The following CERT1 variants were observed in gnomAD, a reference collection of about 807,000 sequenced individuals.
The protein encoded by CERT1 is ceramide transfer protein.
A neutral mutation model predicts 87.9 loss-of-function variants in CERT1; 31 were observed. The ratio of observed to expected loss-of-function variants is 0.35; its 90% CI spans 0.27 to 0.48. CERT1 has a LOEUF of 0.48. Ranked by LOEUF, CERT1 falls within the 20% of genes least tolerant of loss-of-function variation. The probability of loss-of-function intolerance (pLI) is 0.99; values close to 1 mark genes in which losing one functional copy is unlikely to be tolerated. For synonymous variants in CERT1, 289 were observed against 250.9 expected, an observed-to-expected ratio of 1.15 and a Z score of -1.44; for missense variants, 487 against 758.0, an observed-to-expected ratio of 0.64 and a Z score of 4.20.
At chr5:75,493,675 C>G (rs1386615948) in intron 2 of CERT1, among the ~76,000 whole-genome samples, 1 of 152,102 alleles carries the variant, frequency 6.6e-6, no homozygotes, top group South Asian at 2.1e-4. Context: ...CTGGACCTTG[C>G]TTGATGATTT....
chr5:75,463,539 C>T (rs1352849732), intron 2 of CERT1, among the ~76,000 whole-genome samples: 1 of 152,074 alleles, frequency 6.6e-6, no homozygotes, highest in Non-Finnish European at 1.5e-5. Flanking sequence ...ACCAAAATAA[C>T]CTTATAGGAA....
At position 75,506,127 on chromosome 5, in the gene CERT1, G is replaced by C; in HGVS notation, c.97-11C>G. On this transcript the variant is annotated splice_polypyrimidine_tract_variant and intron_variant, in intron 1 of 16. Transcript: ENST00000643780. ...AATGTAGTTTGTCCACTGGGAGTGG[G>C]AAGGGGAAGGGAAGAGAGAAGAAAA... 2 of 1,611,488 alleles carry C rather than the reference G, an allele frequency of 1.2e-6. No individual in the cohort carries two copies. Among genetic ancestry groups the C allele is most frequent in the Non-Finnish European group, 1.7e-6 (2 of 1,178,440 alleles).
chr5:75,385,333 C>T (rs570235112), intron 13 of CERT1, among the ~76,000 whole-genome samples: 49 of 152,126 alleles, frequency 3.2e-4, no homozygotes, highest in African/African-American at 7.0e-4. Flanking sequence ...ATTAGCTGGG[C>T]GTGATGGTGT....
At chr5:75,379,528 T>A in intron 16 of CERT1, 55 bp from the exon 17 acceptor site, 1 of 1,480,058 alleles carries the variant, frequency 6.8e-7, no homozygotes, top group Non-Finnish European at 9.3e-7. Context: ...CAAACATATG[T>A]GAAGCACTTA....
chr5:75,455,479 G>T (rs186561715), intron 3 of CERT1, among the ~76,000 whole-genome samples: 1 of 152,270 alleles, frequency 6.6e-6, no homozygotes. Flanking sequence ...ATGTGTTTGA[G>T]CCTAGTTAAA....
At chr5:75,508,228 G>A (rs1767746895) in intron 1 of CERT1, among the ~76,000 whole-genome samples, 1 of 152,088 alleles carries the variant, frequency 6.6e-6, no homozygotes, top group African/African-American at 2.4e-5. Context: ...CAGTGGTCAA[G>A]TTACTTATTC....
intron 2 of CERT1, among the ~76,000 whole-genome samples, chr5:75,465,480 A>C (rs1271041217): frequency 1.3e-5 from 2 of 152,256 alleles, no homozygotes; most frequent in Non-Finnish European, 2.9e-5. Flanking sequence ...AACAAGATGA[A>C]TCAATCAGTG....
chr5:75,433,261 G>T (rs1356704634), intron 3 of CERT1, among the ~76,000 whole-genome samples: 2 of 152,190 alleles, frequency 1.3e-5, no homozygotes, highest in Admixed American at 1.3e-4. Flanking sequence ...AAATGGCAAT[G>T]AATCTGTAAA....
At chr5:75,432,345 C>G (rs1046179610) in intron 3 of CERT1, among the ~76,000 whole-genome samples, 1 of 152,176 alleles carries the variant, frequency 6.6e-6, no homozygotes, top group Non-Finnish European at 1.5e-5. Flanking sequence ...TGAGCCACCA[C>G]GCCCGGCCAA....
chr5:75,388,505 A>C, intron 12 of CERT1, among the ~76,000 whole-genome samples: 1 of 150,592 alleles, frequency 6.6e-6, no homozygotes, highest in East Asian at 2.0e-4. Context: ...AATTGTTTCA[A>C]ATCACAGAGA....
chr5:75,508,550 TTTCTC>T (rs938136158), intron 1 of CERT1, among the ~76,000 whole-genome samples: 1 of 152,190 alleles, frequency 6.6e-6, no homozygotes. Context: ...TTTTTTGTCT[TTTCTC>T]TGCTCTCATA....
intron 8 of CERT1, among the ~76,000 whole-genome samples, chr5:75,407,472 TAAAAAA>T: frequency 9.3e-6 from 1 of 107,846 alleles, no homozygotes; most frequent in East Asian, 2.6e-4. Context: ...GGAAAAAAAT[TAAAAAA>T]AAAAAAAGGC....
intron 11 of CERT1, among the ~76,000 whole-genome samples, chr5:75,396,073 C>A (rs1323913971): frequency 2.0e-5 from 3 of 152,118 alleles, no homozygotes; most frequent in Non-Finnish European, 4.4e-5. Context: ...CAATTGTACA[C>A]TTGATTATTT....
chr5:75,508,539 GT>G (rs1254230115), intron 1 of CERT1, among the ~76,000 whole-genome samples: 4 of 152,082 alleles, frequency 2.6e-5, no homozygotes, highest in Non-Finnish European at 5.9e-5. Flanking sequence ...TGGAAGACAA[GT>G]TTTTTGTCTT....
intron 5 of CERT1, among the ~76,000 whole-genome samples, chr5:75,424,515 C>A (rs1381740519): frequency 6.6e-6 from 1 of 150,628 alleles, no homozygotes; most frequent in Admixed American, 6.6e-5. Flanking sequence ...GAGGTTGCAG[C>A]GAGCCGAGAT....
chr5:75,511,572 T>C lies in CERT1; in HGVS notation c.-365A>G. 1 of 1,460,010 alleles carries C rather than the reference T, an allele frequency of 6.8e-7. No individual in the cohort carries two copies. Among genetic ancestry groups the C allele is most frequent in the Non-Finnish European group, 9.0e-7 (1 of 1,107,744 alleles). 90.4% of individuals were successfully genotyped at this position (1,460,010 alleles called of 1,614,324 possible). ...GGGAAGAGAAAATCCGGCCGCTGAG[T>C]CCCGCGTCCACTCACACCTCCGCTA... On this transcript the variant is annotated 5_prime_UTR_variant, in exon 1 of 17. Coordinates refer to ENST00000643780, the MANE Select transcript of CERT1 (RefSeq NM_001379029.1).
At chr5:75,486,630 A>G (rs1766537379) in intron 2 of CERT1, among the ~76,000 whole-genome samples, 1 of 152,126 alleles carries the variant, frequency 6.6e-6, no homozygotes, top group Admixed American at 6.5e-5. Flanking sequence ...GAACTGATAC[A>G]TTCAGTAAAG....
intron 3 of CERT1, among the ~76,000 whole-genome samples, chr5:75,457,860 T>C (rs901922004): frequency 3.3e-5 from 5 of 151,240 alleles, no homozygotes; most frequent in Non-Finnish European, 5.9e-5. Flanking sequence ...TGTTAGCTTT[T>C]CTTTCTCAAG....
At chr5:75,374,489 T>C (rs1398623637), downstream of CERT1, 4 of 721,948 alleles carry the variant, frequency 5.5e-6, no homozygotes, top group Admixed American at 7.0e-5. Context: ...GGAACAATGG[T>C]TGTGCCAAAA....
Sources: gnomAD v4.1 joint callset for allele counts (sites outside exome capture counted in the v4.1 genomes callset) on GRCh38, gnomAD v4.1.1 for gene constraint, MANE v1.5 for transcripts, NCBI Gene and HGNC (gene_info 2026-07-23, HGNC 2026-07-21) for gene names.